The following ISY1 variants were observed in gnomAD, a reference collection of about 807,000 sequenced individuals.
ISY1 encodes the protein ISY1 spliceosome associated protein, also known as pre-mRNA-splicing factor ISY1 homolog.
Under a neutral mutation model 54.4 loss-of-function variants are expected in ISY1, and 12 were observed. That is an observed-to-expected ratio of 0.22 (90% CI 0.14 to 0.36). The LOEUF (loss-of-function observed/expected upper bound fraction) is 0.36. ISY1 is among the 10% of genes least tolerant of loss of function. ISY1 has a pLI of 1.00. For synonymous variants in ISY1, 96 were observed against 117.9 expected (o/e 0.81, Z 1.20); for missense variants, 282 against 342.2 (o/e 0.82, Z 1.39).
chr3:129,142,860 G>C (rs551229860), intron 6 of ISY1, among the ~76,000 whole-genome samples: 2 of 152,192 alleles, frequency 1.3e-5, no homozygotes, highest in South Asian at 2.1e-4. Context: ...TTCGAGACCA[G>C]CCTGGCCAAC....
chr3:129,149,900 A>G (rs1936909818), intron 5 of ISY1, among the ~76,000 whole-genome samples: 1 of 150,550 alleles, frequency 6.6e-6, no homozygotes, highest in Admixed American at 6.7e-5. Flanking sequence ...CTTGAGCCCA[A>G]GAGGTGGACG....
At chr3:129,149,133 A>T (rs182070902) in intron 5 of ISY1, among the ~76,000 whole-genome samples, 1 of 152,154 alleles carries the variant, frequency 6.6e-6, no homozygotes, top group Admixed American at 6.6e-5. Context: ...CCAAAAACTT[A>T]AAAATTAGCC....
chr3:129,135,005 G>C, intron 7 of ISY1, 51 bp from the exon 8 acceptor site: 1 of 1,557,932 alleles, frequency 6.4e-7, no homozygotes. Flanking sequence ...TCACACTCCA[G>C]CGAAGCTGTC....
chr3:129,135,761 A>G (rs1481040154), intron 7 of ISY1, among the ~76,000 whole-genome samples: 1 of 150,942 alleles, frequency 6.6e-6, no homozygotes, highest in East Asian at 1.9e-4. Context: ...GCGAGACTCC[A>G]TCTCAAAAAA....
At chr3:129,160,501 C>T (rs1937274209) in intron 1 of ISY1, among the ~76,000 whole-genome samples, 1 of 152,034 alleles carries the variant, frequency 6.6e-6, no homozygotes, top group South Asian at 2.1e-4. Context: ...TGCAACGACT[C>T]TGTGTCAGAC....
chr3:129,149,806 A>AGG (rs1936905177), intron 5 of ISY1, among the ~76,000 whole-genome samples: 1 of 3,624 alleles, frequency 2.8e-4, no homozygotes, highest in African/African-American at 3.9e-4. Context: ...AAAAAAAAAA[A>AGG]AAGAAAGAAA....
chr3:129,139,719 C>T (rs1477308280), intron 7 of ISY1, among the ~76,000 whole-genome samples: 4 of 151,970 alleles, frequency 2.6e-5, no homozygotes, highest in Admixed American at 6.6e-5. Flanking sequence ...CTCGGCTCAC[C>T]GCAACCTCCA....
chr3:129,131,347 A>G (rs997684461), intron 9 of ISY1, among the ~76,000 whole-genome samples: 31 of 152,350 alleles, frequency 2.0e-4, no homozygotes, highest in Middle Eastern at 6.8e-3. Flanking sequence ...CAGCAACCCT[A>G]TCTGCCAAAA....
At chr3:129,155,377 T>C (rs1651280072) in intron 5 of ISY1, among the ~76,000 whole-genome samples, 6 of 151,674 alleles carry the variant, frequency 4.0e-5, no homozygotes, top group Admixed American at 4.0e-4. Context: ...GTATTTTTAG[T>C]AGAGACAGGG....
At chr3:129,130,410 C>T in intron 10 of ISY1, 140 bp downstream of exon 10, 2 of 1,211,110 alleles carry the variant, frequency 1.7e-6, no homozygotes, top group Non-Finnish European at 2.3e-6. Flanking sequence ...ACACCCTGAA[C>T]ACAATGACAG....
At chr3:129,133,971 C>G (rs1350302181) in intron 9 of ISY1, 103 bp downstream of exon 9, 21 of 1,557,882 alleles carry the variant, frequency 1.3e-5, no homozygotes, top group Non-Finnish European at 1.7e-5. Flanking sequence ...GCAAGCTGGG[C>G]TGTGAACCCT....
At chr3:129,132,348 G>GA (rs931735635) in intron 9 of ISY1, among the ~76,000 whole-genome samples, 8 of 151,540 alleles carry the variant, frequency 5.3e-5, no homozygotes, top group Admixed American at 2.6e-4. Context: ...TATTTGAAAA[G>GA]AAAAAAAAAT....
chr3:129,158,190 G>C (rs1477318360), intron 3 of ISY1, among the ~76,000 whole-genome samples: 1 of 143,898 alleles, frequency 6.9e-6, no homozygotes, highest in Non-Finnish European at 1.5e-5. Context: ...TTCTCACTGT[G>C]TCACCCAGGC....
chr3:129,142,215 A>T (rs910854654), intron 6 of ISY1, among the ~76,000 whole-genome samples: 2 of 151,976 alleles, frequency 1.3e-5, no homozygotes, highest in Non-Finnish European at 2.9e-5. Flanking sequence ...TCGAAAAAAA[A>T]AAAAAAAAAG....
intron 10 of ISY1, 151 bp downstream of exon 10, chr3:129,130,399 C>T: frequency 8.5e-7 from 1 of 1,176,982 alleles, no homozygotes. Flanking sequence ...TTTTGGACCC[C>T]ACACCCTGAA....
chr3:129,156,605 A>T, intron 5 of ISY1, 28 bp downstream of exon 5: 5 of 1,608,380 alleles, frequency 3.1e-6, no homozygotes, highest in Non-Finnish European at 4.2e-6. Context: ...TTGAGAATCA[A>T]GCACTTTAAA....
chr3:129,159,209 A>G, intron 1 of ISY1, 33 bp from the exon 2 acceptor site: 1 of 1,589,250 alleles, frequency 6.3e-7, no homozygotes, highest in Non-Finnish European at 8.5e-7. Context: ...AAAAATGTCC[A>G]TGTTTAAAAT....
At chr3:129,158,001 G>C (rs1048034658) in intron 3 of ISY1, among the ~76,000 whole-genome samples, 6 of 152,018 alleles carry the variant, frequency 3.9e-5, no homozygotes, top group African/African-American at 1.4e-4. Flanking sequence ...TGGGATTACA[G>C]GTGCCTGCCA....
Position 129,130,637 on chromosome 3 carries a change from C to A in ISY1, c.664-1G>T. The A allele has an allele frequency of 6.2e-7, 1 of 1,614,008 alleles. No homozygotes were observed. Among genetic ancestry groups the A allele is most frequent in the Non-Finnish European group, 8.5e-7 (1 of 1,179,934 alleles). On this transcript the variant is annotated splice_acceptor_variant, in intron 9 of 10. Coordinates refer to ENST00000393295, the MANE Select transcript of ISY1 (RefSeq NM_020701.4). LOFTEE classifies it high-confidence loss of function. ...TCTCCTGGCTGCCTTCCTCGTCCGA[C>A]TACAAACAGAACAAACGAAAGTCCA...
Sources: gnomAD v4.1 joint callset for allele counts (sites outside exome capture counted in the v4.1 genomes callset) on GRCh38, gnomAD v4.1.1 for gene constraint, MANE v1.5 for transcripts, NCBI Gene and HGNC (gene_info 2026-07-23, HGNC 2026-07-21) for gene names.